The following G2E3 variants were observed in gnomAD, a reference collection of about 807,000 sequenced individuals.
G2E3 encodes the protein G2/M phase-specific E3 ubiquitin-protein ligase.
In G2E3, 35 loss-of-function variants were observed where a neutral mutation model predicts 92.8. The ratio of observed to expected loss-of-function variants is 0.38; its 90% CI spans 0.29 to 0.50. G2E3 has a LOEUF of 0.50. Ranked by LOEUF, G2E3 falls within the 20% of genes least tolerant of loss-of-function variation. The pLI, the probability that G2E3 is intolerant of heterozygous loss-of-function variation, is 0.94. For missense variants in G2E3, 554 were observed against 823.8 expected (o/e 0.67, Z 4.01); for synonymous variants, 242 against 272.4 (o/e 0.89, Z 1.10).
intron 10 of G2E3, among the ~76,000 whole-genome samples, chr14:30,605,150 C>T (rs144579720): frequency 0.012 from 1,853 of 152,300 alleles, 14 homozygotes; most frequent in Non-Finnish European, 0.02. Context: ...CCTGCCTCTG[C>T]CTCCCAAAGT....
Position 30,616,544 on chromosome 14 carries a change from T to C in G2E3, c.*10T>C, listed in dbSNP as rs778861289. 6.4e-7 allele frequency: 1 copy of C among 1,562,686 alleles called. No homozygotes were observed. The highest frequency in any genetic ancestry group is 1.2e-5 in the South Asian group (1 of 84,382). On this transcript the variant is annotated 3_prime_UTR_variant, in exon 15 of 15. Coordinates refer to ENST00000206595, the MANE Select transcript of G2E3 (RefSeq NM_017769.5). ...TTACATTGGACATTAAAATGTTTCC[T>C]TGAACAAAGAGAAGCTTCTTTAAAA...
chr14:30,565,478 G>C (rs1420510654), intron 1 of G2E3, among the ~76,000 whole-genome samples: 1 of 151,628 alleles, frequency 6.6e-6, no homozygotes, highest in Non-Finnish European at 1.5e-5. Context: ...TTTTCTTGTT[G>C]CTTGTGCTTT....
At chr14:30,585,589 T>G (rs1184053679) in intron 2 of G2E3, among the ~76,000 whole-genome samples, 1 of 152,042 alleles carries the variant, frequency 6.6e-6, no homozygotes, top group Non-Finnish European at 1.5e-5. Context: ...CTCCCCCTTT[T>G]TTTTTTTGGT....
chr14:30,579,440 A>T (rs1173113604), intron 1 of G2E3, among the ~76,000 whole-genome samples: 1 of 152,220 alleles, frequency 6.6e-6, no homozygotes. Flanking sequence ...AGAAATATAT[A>T]TGAGCAAAAC....
At chr14:30,573,746 G>C (rs1455789257) in intron 1 of G2E3, 1 of 152,114 alleles carries the variant, frequency 6.6e-6, no homozygotes, top group African/African-American at 2.4e-5. Flanking sequence ...CAGTGGACTA[G>C]CTAATGTCTA....
chr14:30,580,475 G>A (rs1229221037), intron 1 of G2E3, among the ~76,000 whole-genome samples: 3 of 152,116 alleles, frequency 2.0e-5, no homozygotes, highest in Non-Finnish European at 4.4e-5. Flanking sequence ...CAAAGTGCTG[G>A]GATTACAGGT....
At chr14:30,569,489 C>G (rs1306106108) in intron 1 of G2E3, among the ~76,000 whole-genome samples, 3 of 152,206 alleles carry the variant, frequency 2.0e-5, no homozygotes, top group African/African-American at 7.2e-5. Context: ...TGCTCTGTCA[C>G]ATAAGGTAGC....
At chr14:30,563,760 G>T (rs1436722514) in intron 1 of G2E3, among the ~76,000 whole-genome samples, 1 of 148,484 alleles carries the variant, frequency 6.7e-6, no homozygotes, top group East Asian at 2.0e-4. Flanking sequence ...TCACTCTGTT[G>T]CCCAGGCTGA....
rs575907563 is a variant in G2E3 at position 30,567,628 on chromosome 14, T to A, written c.-5+8356T>A. On this transcript the variant is annotated intron_variant, in intron 1 of 14. Transcript: ENST00000206595. ...ATTTTATTGATTCTCAATTTAAAAA[T>A]TTTTTTATTACATTATCTGGACTCT... is the stretch of plus-strand genomic sequence containing the variant. 3.7e-4 allele frequency among the ~76,000 whole-genome samples: 57 copies of A among 152,150 alleles called. No homozygotes were observed. In the South Asian group the frequency reaches 0.01, roughly 27 times the overall value.
At chr14:30,576,773 G>A (rs1880118215) in intron 1 of G2E3, among the ~76,000 whole-genome samples, 1 of 152,112 alleles carries the variant, frequency 6.6e-6, no homozygotes, top group South Asian at 2.1e-4. Flanking sequence ...GAACCTTTCT[G>A]ATTAGTGATT....
chr14:30,604,153 T>C (rs547787906), intron 10 of G2E3, among the ~76,000 whole-genome samples: 1 of 152,336 alleles, frequency 6.6e-6, no homozygotes, highest in South Asian at 2.1e-4. Flanking sequence ...TTTAGAAGAA[T>C]AGCATCAGCA....
intron 1 of G2E3, among the ~76,000 whole-genome samples, chr14:30,561,786 G>C (rs1879116492): frequency 6.6e-6 from 1 of 151,164 alleles, no homozygotes; most frequent in Non-Finnish European, 1.5e-5. Flanking sequence ...TGTTCAGTGA[G>C]TACTTATTAT....
intron 6 of G2E3, 66 bp downstream of exon 6, chr14:30,593,705 T>G (rs1881132712): frequency 6.0e-6 from 7 of 1,165,076 alleles, no homozygotes; most frequent in Non-Finnish European, 8.8e-6. Context: ...ATTTAAATTT[T>G]AAATTAGAAA....
At chr14:30,601,072 C>T (rs1033827594) in intron 8 of G2E3, among the ~76,000 whole-genome samples, 4 of 152,126 alleles carry the variant, frequency 2.6e-5, no homozygotes, top group African/African-American at 9.7e-5. Flanking sequence ...TGATATGCCC[C>T]CACCTCTGGG....
intron 4 of G2E3, among the ~76,000 whole-genome samples, chr14:30,591,755 T>C (rs172947): frequency 0.015 from 2,338 of 152,294 alleles, 59 homozygotes; most frequent in African/African-American, 0.053. Flanking sequence ...GATCCTTAAC[T>C]TAATTACATC....
At chr14:30,594,855 A>G (rs1387054109) in intron 6 of G2E3, among the ~76,000 whole-genome samples, 2 of 147,916 alleles carry the variant, frequency 1.4e-5, no homozygotes, top group Admixed American at 6.7e-5. Context: ...AAGGCAGGGC[A>G]CAGTGGCTCA....
At chr14:30,566,639 G>T (rs1014670124) in intron 1 of G2E3, among the ~76,000 whole-genome samples, 1 of 152,138 alleles carries the variant, frequency 6.6e-6, no homozygotes, top group Admixed American at 6.5e-5. Context: ...TGTGAATTCT[G>T]TAGGAAATTC....
intron 13 of G2E3, among the ~76,000 whole-genome samples, chr14:30,613,959 T>G (rs1168161302): frequency 6.6e-6 from 1 of 152,124 alleles, no homozygotes; most frequent in Non-Finnish European, 1.5e-5. Flanking sequence ...ATTGGAATAT[T>G]TTATGTGTGG....
At chr14:30,607,722 T>G (rs1304057089) in intron 11 of G2E3, among the ~76,000 whole-genome samples, 166 bp from the exon 12 acceptor site, 1 of 152,196 alleles carries the variant, frequency 6.6e-6, no homozygotes, top group Non-Finnish European at 1.5e-5. Context: ...GAAAAATGTG[T>G]CTTTTTTTAT....
Sources: gnomAD v4.1 joint callset for allele counts (sites outside exome capture counted in the v4.1 genomes callset) on GRCh38, gnomAD v4.1.1 for gene constraint, MANE v1.5 for transcripts, NCBI Gene and HGNC (gene_info 2026-07-23, HGNC 2026-07-21) for gene names.